The following SMARCC1 variants were observed in gnomAD, a reference collection of about 807,000 sequenced individuals.
SMARCC1 encodes SWI/SNF complex subunit SMARCC1.
SMARCC1 carries 43 observed loss-of-function variants against 147.4 expected under a neutral mutation model. The observed-to-expected ratio is 0.29, with a 90% CI of 0.23 to 0.38. The LOEUF is 0.38. SMARCC1 is among the 10% of genes least tolerant of loss of function. SMARCC1 has a pLI of 1.00. For missense variants in SMARCC1, 1,119 were observed against 1,381.1 expected, an observed-to-expected ratio of 0.81 and a Z score of 3.01; for synonymous variants, 495 against 484.4, an observed-to-expected ratio of 1.02 and a Z score of -0.29.
At chr3:47,632,294 A>G (rs2032902084) in intron 24 of SMARCC1, among the ~76,000 whole-genome samples, 1 of 152,092 alleles carries the variant, frequency 6.6e-6, no homozygotes, top group East Asian at 1.9e-4. Context: ...GGATTTGTGA[A>G]ACTTAAAAAA....
At chr3:47,630,400 C>T (rs2032870851) in intron 24 of SMARCC1, among the ~76,000 whole-genome samples, 1 of 152,122 alleles carries the variant, frequency 6.6e-6, no homozygotes, top group Non-Finnish European at 1.5e-5. Flanking sequence ...TGTTGTGTGG[C>T]CTAGCTCCTA....
intron 9 of SMARCC1, among the ~76,000 whole-genome samples, chr3:47,707,332 A>AAAT (rs1388409003): frequency 6.6e-6 from 1 of 151,924 alleles, no homozygotes; most frequent in East Asian, 1.9e-4. Context: ...AAAAAAAAAA[A>AAAT]GTCAACCTTT....
At chr3:47,766,253 T>A (rs751580398) in intron 2 of SMARCC1, among the ~76,000 whole-genome samples, 1 of 152,112 alleles carries the variant, frequency 6.6e-6, no homozygotes, top group African/African-American at 2.4e-5. Flanking sequence ...TTATAATCCA[T>A]TTTAAAATGC....
intron 1 of SMARCC1, among the ~76,000 whole-genome samples, chr3:47,775,373 G>C (rs2034962487): frequency 1.3e-5 from 2 of 150,144 alleles, no homozygotes; most frequent in Non-Finnish European, 3.0e-5. Context: ...TGTTAGTCAG[G>C]ATGGTCTCGA....
intron 6 of SMARCC1, among the ~76,000 whole-genome samples, chr3:47,722,903 A>G (rs928178994): frequency 2.6e-5 from 4 of 152,228 alleles, no homozygotes; most frequent in African/African-American, 7.2e-5. Context: ...CAAAGCCTGC[A>G]TTGGGGTTTC....
At chr3:47,628,250 C>G (rs1445739313) in intron 24 of SMARCC1, among the ~76,000 whole-genome samples, 1 of 152,098 alleles carries the variant, frequency 6.6e-6, no homozygotes, top group Non-Finnish European at 1.5e-5. Context: ...GAATAACTGC[C>G]TTTGCTTTTG....
At chr3:47,709,175 T>A (rs150011236) in intron 9 of SMARCC1, among the ~76,000 whole-genome samples, 102 of 148,902 alleles carry the variant, frequency 6.9e-4, no homozygotes, top group African/African-American at 2.5e-3. Flanking sequence ...GCAGGAGAAT[T>A]ACTTGAACCC....
rs1044453279 is a variant in SMARCC1 at position 47,773,041 on chromosome 3, T to C, written c.196-105A>G. 4.7e-5 allele frequency: 45 copies of C among 966,174 alleles called. No individual in the cohort carries two copies. The East Asian group carries it at 8.5e-4, about 18-fold the overall frequency. The allele number at this position is 966,174 out of a possible 1,614,324, so 59.9% of individuals were successfully genotyped here. On this transcript the variant is annotated intron_variant, in intron 1 of 27. Transcript: ENST00000254480. ...AAGTACTTACGTTATGGGAAATTTA[T>C]AGATGTCTGAGACACGCTCTGTGCT...
Position 47,720,704 on chromosome 3 carries a change from C to T in SMARCC1, c.678G>A (p.Glu226=). Residue 226 remains glutamate (E), a synonymous_variant, in exon 7 of 28, where the codon GAG becomes GAA. Transcript: ENST00000254480. ...AGCCCCAATGCACTAACACTTGCTT[C>T]TCTTTTCTCATCACCGGTCTCAACC... ...EEWLRPVMRK[E]KQVLVHWGFY... is the part of the protein sequence containing the mutation. 6.2e-7 allele frequency: 1 copy of T among 1,613,160 alleles called. No individual in the cohort carries two copies. The highest frequency in any genetic ancestry group is 1.7e-5 in the Admixed American group (1 of 59,986).
intron 19 of SMARCC1, among the ~76,000 whole-genome samples, chr3:47,666,565 A>G (rs1264162240): frequency 6.7e-6 from 1 of 148,488 alleles, no homozygotes; most frequent in Non-Finnish European, 1.5e-5. Flanking sequence ...CTCAAATGTA[A>G]AAAGGCAGAC....
At chr3:47,704,927 A>G (rs940593934) in intron 10 of SMARCC1, among the ~76,000 whole-genome samples, 3 of 150,952 alleles carry the variant, frequency 2.0e-5, no homozygotes, top group African/African-American at 7.3e-5. Context: ...AAAAAAAAAG[A>G]TGAAATGTTA....
At chr3:47,613,750 C>T (rs1239561138) in intron 25 of SMARCC1, among the ~76,000 whole-genome samples, 1 of 152,134 alleles carries the variant, frequency 6.6e-6, no homozygotes, top group Non-Finnish European at 1.5e-5. Flanking sequence ...TCATACAAGG[C>T]TGCCTATGGC....
intron 24 of SMARCC1, 99 bp downstream of exon 24, chr3:47,635,091 G>T: frequency 9.6e-7 from 1 of 1,036,656 alleles, no homozygotes; most frequent in Non-Finnish European, 1.4e-6. Flanking sequence ...TCTCCTATTG[G>T]GAGCAAAGCT....
chr3:47,758,153 T>C (rs948559095), intron 2 of SMARCC1, among the ~76,000 whole-genome samples: 1 of 152,130 alleles, frequency 6.6e-6, no homozygotes, highest in Non-Finnish European at 1.5e-5. Context: ...AGGGTCTCAC[T>C]GTGTCACCCA....
intron 7 of SMARCC1, among the ~76,000 whole-genome samples, chr3:47,715,771 T>C (rs6785669): frequency 0.63 from 95,101 of 151,990 alleles, 30,557 homozygotes; most frequent in East Asian, 0.72. Flanking sequence ...TCTGTCCTTA[T>C]TCATGTTATA....
intron 27 of SMARCC1, among the ~76,000 whole-genome samples, chr3:47,590,456 T>A (rs908316146): frequency 1.3e-5 from 2 of 152,186 alleles, no homozygotes; most frequent in African/African-American, 2.4e-5. Context: ...ACAACCCTGA[T>A]TAGAAGCATT....
rs565717040 is a variant in SMARCC1 at position 47,663,832 on chromosome 3, G to A, written c.1900-1240C>T. On this transcript the variant is annotated intron_variant, in intron 19 of 27. Coordinates refer to ENST00000254480, the MANE Select transcript of SMARCC1 (RefSeq NM_003074.4). Reference sequence around the variant, plus strand: ...ATTCCTTCCACCGGGGCAACAGCCAGCGCTCTCAGCTCATGATGTGCACCT... The same window carrying A: ...ATTCCTTCCACCGGGGCAACAGCCAACGCTCTCAGCTCATGATGTGCACCT... The A allele has an allele frequency of 1.5e-5, 24 of 1,580,548 alleles. No individual in the cohort carries two copies. The South Asian group carries it at 2.7e-4, about 17-fold the overall frequency.
chr3:47,757,613 T>C (rs1233956031), intron 2 of SMARCC1, among the ~76,000 whole-genome samples: 1 of 151,406 alleles, frequency 6.6e-6, no homozygotes, highest in African/African-American at 2.4e-5. Context: ...TGAACCCCTA[T>C]CTCTACTAAA....
intron 6 of SMARCC1, among the ~76,000 whole-genome samples, chr3:47,723,946 A>C (rs1216829035): frequency 9.9e-5 from 15 of 152,244 alleles, no homozygotes. Flanking sequence ...AGACAATGAA[A>C]ATCAAAACAA....
Sources: gnomAD v4.1 joint callset for allele counts (sites outside exome capture counted in the v4.1 genomes callset) on GRCh38, gnomAD v4.1.1 for gene constraint, MANE v1.5 for transcripts, NCBI Gene and HGNC (gene_info 2026-07-23, HGNC 2026-07-21) for gene names.